Variants in KHK observed in about 807,000 individuals in gnomAD.
KHK encodes ketohexokinase.
KHK carries 37 observed loss-of-function variants against 36.0 expected under a neutral mutation model. The ratio of observed to expected loss-of-function variants is 1.03; its 90% CI spans 0.79 to 1.35. The LOEUF is 1.35. KHK is among the 40% of genes most tolerant of loss of function. The pLI is 0.00. For missense variants in KHK, 395 were observed against 391.9 expected, an observed-to-expected ratio of 1.01 and a Z score of -0.07; for synonymous variants, 161 against 162.8, an observed-to-expected ratio of 0.99 and a Z score of 0.08.
rs116279886 is a variant in KHK, at chr2:27,091,221, C to T, written c.93-1111C>T. On this transcript the variant is annotated intron_variant, in intron 1 of 7. Transcript: ENST00000260598. ...TCAGCCTCCTGAGTAGCTGGGACCACGGGTATGCACCACCATACCCAGCTA... is the reference window on the plus strand; with the variant it reads ...TCAGCCTCCTGAGTAGCTGGGACCATGGGTATGCACCACCATACCCAGCTA... Among the ~76,000 whole-genome samples the T allele has an allele frequency of 9.6e-3, 1,460 of 152,074 alleles. 23 individuals carry two copies. Among genetic ancestry groups the T allele is most frequent in the African/African-American group, 0.033 (1,378 of 41,484 alleles).
intron 1 of KHK, among the ~76,000 whole-genome samples, chr2:27,090,735 G>A (rs1284303030): frequency 6.6e-6 from 1 of 151,682 alleles, no homozygotes; most frequent in Non-Finnish European, 1.5e-5. Flanking sequence ...TTATGGGCGT[G>A]AGCCACTGCG....
chr2:27,090,738 C>A (rs1163671249), intron 1 of KHK, among the ~76,000 whole-genome samples: 1 of 151,732 alleles, frequency 6.6e-6, no homozygotes, highest in Non-Finnish European at 1.5e-5. Context: ...TGGGCGTGAG[C>A]CACTGCGCCC....
intron 2 of KHK, 165 bp from the exon 3 acceptor site, chr2:27,094,635 G>A: frequency 6.2e-7 from 1 of 1,613,872 alleles, no homozygotes; most frequent in Non-Finnish European, 8.5e-7. Flanking sequence ...TCTGTGCCTT[G>A]CCAGCTGCTG....
chr2:27,099,781 A>G lies in KHK; in HGVS notation c.*31A>G. The stretch of plus-strand genomic sequence containing the variant: ...GGTGCCGGCTCCTCACACACCATGG[A>G]GACTACCATTGCGGCTGCATCGCCT... On this transcript the variant is annotated 3_prime_UTR_variant, in exon 8 of 8. Coordinates refer to ENST00000260598, the MANE Select transcript of KHK (RefSeq NM_006488.3). 1 of 1,610,706 alleles carries G rather than the reference A, an allele frequency of 6.2e-7. No homozygotes were observed. Among genetic ancestry groups the G allele is most frequent in the Non-Finnish European group, 8.5e-7 (1 of 1,178,600 alleles).
At chr2:27,095,976 T>C (rs895069456) in intron 3 of KHK, among the ~76,000 whole-genome samples, 2 of 152,360 alleles carry the variant, frequency 1.3e-5, no homozygotes, top group African/African-American at 4.8e-5. Flanking sequence ...TCCAGGCACA[T>C]TCACACACAT....
In KHK at chr2:27,099,678, G is replaced by T. The variant is rs1283244477; in HGVS notation, c.825G>T (p.Gln275His). The T allele has an allele frequency of 6.2e-7, 1 of 1,614,198 alleles. No individual in the cohort carries two copies. The highest frequency in any genetic ancestry group is 2.2e-5 in the East Asian group (1 of 44,868). ...CCCCTCCTCCAGGGAGGAGCGTGCA[G>T]GAAGCACTGAGATTCGGGTGCCAGG... ...IFSLSQGRSV[Q>H]EALRFGCQVA... is the part of the protein sequence containing the mutation. The change falls in exon 8 of 8, where the codon CAG becomes CAT. Residue 275 changes from glutamine (Q) to histidine (H), a missense_variant. Gln to His is a conservative substitution (Grantham distance 24). Coordinates refer to ENST00000260598, the MANE Select transcript of KHK (RefSeq NM_006488.3).
Position 27,091,720 on chromosome 2 carries a change from G to A in KHK, c.93-612G>A, listed in dbSNP as rs948088337. ...TGCTGATGACAATGAAGCCCTTCAC[G>A]TGTGTCTTGTTAGTTTCCTTTTGGT... On this transcript the variant is annotated intron_variant, in intron 1 of 7. Coordinates refer to ENST00000260598, the MANE Select transcript of KHK (RefSeq NM_006488.3). Among the ~76,000 whole-genome samples, 17 of 152,186 alleles carry A rather than the reference G, an allele frequency of 1.1e-4. 1 individual carries two copies. Among genetic ancestry groups the A allele is most frequent in the Admixed American group, 6.5e-4 (10 of 15,272 alleles).
chr2:27,087,132 A>C lies in KHK; in HGVS notation c.-128A>C. The C allele has an allele frequency of 1.3e-6, 1 of 742,076 alleles. No homozygotes were observed. Among genetic ancestry groups the C allele is most frequent in the Non-Finnish European group, 2.3e-6 (1 of 441,018 alleles). 46.0% of individuals were successfully genotyped at this position (742,076 alleles called of 1,614,324 possible). On this transcript the variant is annotated 5_prime_UTR_variant, in exon 1 of 8. Coordinates refer to ENST00000260598, the MANE Select transcript of KHK (RefSeq NM_006488.3). ...CTGGCCGCTGCAGGTGGCTCCCTGG[A>C]GGAGGAGCTCCCACGCGGAGGAGGA...
At position 27,100,328 on chromosome 2, in the gene KHK, C is replaced by A. The variant is rs1321395444; in HGVS notation, c.*578C>A. On this transcript the variant is annotated 3_prime_UTR_variant, in exon 8 of 8. Coordinates refer to ENST00000260598, the MANE Select transcript of KHK (RefSeq NM_006488.3). ...GCGCCTCCTCTGCCCTGCCCACCAG[C>A]CTGTGATTTGATGGGGTCTTCATTG... 1.1e-6 allele frequency: 1 copy of A among 872,042 alleles called. No homozygotes were observed. The highest frequency in any genetic ancestry group is 1.7e-5 in the African/African-American group (1 of 58,186). The allele number at this position is 872,042 out of a possible 1,614,324, so 54.0% of individuals were successfully genotyped here.
intron 6 of KHK, 60 bp from the exon 7 acceptor site, chr2:27,099,360 G>T: frequency 5.0e-6 from 8 of 1,612,534 alleles, no homozygotes; most frequent in Non-Finnish European, 5.9e-6. Context: ...CCCTGGAGCT[G>T]GGAGGATGGC....
intron 1 of KHK, chr2:27,088,137 C>T (rs1191519509): frequency 2.8e-5 from 3 of 107,664 alleles, no homozygotes; most frequent in Non-Finnish European, 5.2e-5. Flanking sequence ...GAGACAGGGT[C>T]TCATTCTGTC....
Position 27,089,823 on chromosome 2 carries a change from C to T in KHK, c.92+2472C>T, listed in dbSNP as rs141821972. Among the ~76,000 whole-genome samples, 339 of 152,320 alleles carry T rather than the reference C, an allele frequency of 2.2e-3. 2 individuals carry two copies. The highest frequency in any genetic ancestry group is 7.9e-3 in the African/African-American group (329 of 41,570). ...GTTGGGGACTCTTGGGAGCCGCCAC[C>T]TGGAGCTCAGCCAGACCCCTGGGAC... On this transcript the variant is annotated intron_variant, in intron 1 of 7. Transcript: ENST00000260598.
At chr2:27,088,604 G>T (rs926016879) in intron 1 of KHK, among the ~76,000 whole-genome samples, 1 of 151,942 alleles carries the variant, frequency 6.6e-6, no homozygotes, top group Non-Finnish European at 1.5e-5. Context: ...TGTAGAGACA[G>T]GGCTTTTCTT....
intron 1 of KHK, among the ~76,000 whole-genome samples, chr2:27,088,306 T>C (rs1337698123): frequency 2.6e-5 from 4 of 152,094 alleles, no homozygotes; most frequent in South Asian, 4.1e-4. Context: ...GGGTTCTCAC[T>C]ATACTGATCA....
chr2:27,096,894 CT>C, intron 4 of KHK, 93 bp downstream of exon 4: 1 of 940,342 alleles, frequency 1.1e-6, no homozygotes, highest in Non-Finnish European at 1.7e-6. Flanking sequence ...CATGAAGTAC[CT>C]TAGAGATAAA....
At position 27,094,872 on chromosome 2, in the gene KHK, C is replaced by T; in HGVS notation, c.282C>T (p.Thr94=). The T allele has an allele frequency of 1.9e-6, 3 of 1,614,026 alleles. No homozygotes were observed. Among genetic ancestry groups the T allele is most frequent in the Admixed American group, 1.7e-5 (1 of 60,034 alleles). ...TGGCCTGGCAGAGCAAGGGGGACAC[C>T]CCCAGCTCCTGCTGCATCATCAACA... ...SQVAWQSKGD[T]PSSCCIINNS... Residue 94 remains threonine, a synonymous_variant, in exon 3 of 8, where the codon ACC becomes ACT. Coordinates refer to ENST00000260598, the MANE Select transcript of KHK (RefSeq NM_006488.3).
intron 2 of KHK, chr2:27,094,428 C>T: frequency 6.2e-7 from 1 of 1,608,974 alleles, no homozygotes; most frequent in Non-Finnish European, 8.5e-7. Flanking sequence ...CTCCAGTCCC[C>T]AAAACCCTTG....
At chr2:27,091,569 T>C (rs1215961504) in intron 1 of KHK, among the ~76,000 whole-genome samples, 2 of 152,236 alleles carry the variant, frequency 1.3e-5, no homozygotes, top group Non-Finnish European at 2.9e-5. Context: ...ACTGGCACAA[T>C]AGAAATAACA....
rs1670746569 is a variant in KHK, at chr2:27,100,406, T to C, written c.*656T>C. 7.8e-7 allele frequency: 1 copy of C among 1,288,082 alleles called. No individual in the cohort carries two copies. Among genetic ancestry groups the C allele is most frequent in the South Asian group, 1.2e-5 (1 of 80,960 alleles). The allele number at this position is 1,288,082 out of a possible 1,614,324, so 79.8% of individuals were successfully genotyped here. On this transcript the variant is annotated 3_prime_UTR_variant, in exon 8 of 8. Coordinates refer to ENST00000260598, the MANE Select transcript of KHK (RefSeq NM_006488.3). ...CCCCAGAGCCTGAAAGTCTCACCCT[T>C]GGAGCCCACCTTGGAATTAAGGGCG...
Sources: gnomAD v4.1 joint callset for allele counts (sites outside exome capture counted in the v4.1 genomes callset) on GRCh38, gnomAD v4.1.1 for gene constraint, MANE v1.5 for transcripts, NCBI Gene and HGNC (gene_info 2026-07-23, HGNC 2026-07-21) for gene names.